SLC23A2: variants seen among roughly 807,000 people sequenced by gnomAD.
The protein encoded by SLC23A2 is Na(+)/L-ascorbic acid transporter 2.
A neutral mutation model predicts 73.3 loss-of-function variants in SLC23A2; 36 were observed. That is an observed-to-expected ratio of 0.49 (90% CI 0.38 to 0.65). The LOEUF is 0.65. SLC23A2 is among the 30% of genes least tolerant of loss of function. The pLI is 0.00. For missense variants in SLC23A2, 507 were observed against 841.6 expected, an observed-to-expected ratio of 0.60 and a Z score of 4.92; for synonymous variants, 343 against 327.3, an observed-to-expected ratio of 1.05 and a Z score of -0.52.
chr20:4,935,458 C>T (rs998539758), intron 2 of SLC23A2, among the ~76,000 whole-genome samples: 6 of 152,026 alleles, frequency 3.9e-5, no homozygotes, highest in South Asian at 2.1e-4. Context: ...GAAACTCTAC[C>T]GCAGGGATCA....
chr20:4,983,999 T>A (rs144060758), intron 1 of SLC23A2, among the ~76,000 whole-genome samples: 5 of 151,538 alleles, frequency 3.3e-5, no homozygotes, highest in African/African-American at 7.3e-5. Context: ...AAAAAGAATC[T>A]TACAGAAAGA....
intron 3 of SLC23A2, among the ~76,000 whole-genome samples, chr20:4,917,528 G>T (rs1932366588): frequency 6.6e-6 from 1 of 152,154 alleles, no homozygotes; most frequent in South Asian, 2.1e-4. Flanking sequence ...GGAGGTAGGG[G>T]TGGAATGTTT....
At chr20:4,915,393 C>T (rs374049604) in intron 3 of SLC23A2, among the ~76,000 whole-genome samples, 1 of 152,204 alleles carries the variant, frequency 6.6e-6, no homozygotes. Context: ...CAGTGGTTGT[C>T]CTTAATTGGT....
At chr20:4,873,553 C>A (rs1930534229) in intron 11 of SLC23A2, among the ~76,000 whole-genome samples, 1 of 152,178 alleles carries the variant, frequency 6.6e-6, no homozygotes, top group African/African-American at 2.4e-5. Flanking sequence ...GCTTGCTAAT[C>A]CCCAGGCTGT....
At chr20:4,914,827 G>A (rs1193061932) in intron 3 of SLC23A2, among the ~76,000 whole-genome samples, 1 of 152,170 alleles carries the variant, frequency 6.6e-6, no homozygotes, top group Non-Finnish European at 1.5e-5. Context: ...GATCACCTGA[G>A]GTCGGGAGTT....
At chr20:4,860,054 A>C (rs1459971303) in intron 15 of SLC23A2, among the ~76,000 whole-genome samples, 1 of 152,228 alleles carries the variant, frequency 6.6e-6, no homozygotes, top group Non-Finnish European at 1.5e-5. Flanking sequence ...AGCCGCCATG[A>C]AAAAGTTTGG....
At chr20:4,972,899 C>T (rs1174921936) in intron 1 of SLC23A2, among the ~76,000 whole-genome samples, 1 of 152,084 alleles carries the variant, frequency 6.6e-6, no homozygotes, top group Non-Finnish European at 1.5e-5. Context: ...CTATGTTTAT[C>T]AGAAATTTGC....
In SLC23A2 at chr20:4,862,931, G is replaced by A. The variant is rs781416952; in HGVS notation, c.1357-24C>T. 3.5e-5 allele frequency: 56 copies of A among 1,595,654 alleles called. No homozygotes were observed. The highest frequency in any genetic ancestry group is 4.5e-5 in the Non-Finnish European group (53 of 1,166,430). On this transcript the variant is annotated intron_variant, in intron 13 of 16. Transcript: ENST00000338244. This position sits in a 1 kb window ranked among gnomAD's most constrained non-coding sequence, Gnocchi z 5.1. ...ACCTGCAGAACACACAGGAGACTGG[G>A]AAACAGGGACTCATCTCCATGCAAA...
chr20:4,955,835 G>A (rs912858677), intron 2 of SLC23A2, among the ~76,000 whole-genome samples: 7 of 151,448 alleles, frequency 4.6e-5, no homozygotes, highest in Non-Finnish European at 7.4e-5. Context: ...ATACATGTGC[G>A]ATTGAGCTTT....
Position 4,957,048 on chromosome 20 carries a change from C to A in SLC23A2, c.-155+13745G>T, listed in dbSNP as rs544002296. 7.9e-5 allele frequency among the ~76,000 whole-genome samples: 12 copies of A among 152,142 alleles called. No individual in the cohort carries two copies. In the South Asian group the frequency reaches 2.5e-3, roughly 32 times the overall value. ...TCTCGAACTCCTGACCTCAGGTGAT[C>A]CACCCACCTTGGCCTCCCAAAGTGC... On this transcript the variant is annotated intron_variant, in intron 2 of 16. Coordinates refer to ENST00000338244, the MANE Select transcript of SLC23A2 (RefSeq NM_005116.6).
chr20:4,864,580 T>G (rs966991262), intron 13 of SLC23A2, among the ~76,000 whole-genome samples: 2 of 152,246 alleles, frequency 1.3e-5, no homozygotes, highest in Non-Finnish European at 2.9e-5. Context: ...TGGCCCTATC[T>G]TCAGCAAACA....
chr20:4,982,501 A>G (rs1289413067), intron 1 of SLC23A2, among the ~76,000 whole-genome samples: 1 of 152,166 alleles, frequency 6.6e-6, no homozygotes, highest in Non-Finnish European at 1.5e-5. Flanking sequence ...TTTGGCAAAA[A>G]TTGACAAGCC....
At chr20:4,985,675 T>C (rs778041858) in intron 1 of SLC23A2, among the ~76,000 whole-genome samples, 2 of 152,194 alleles carry the variant, frequency 1.3e-5, no homozygotes, top group Non-Finnish European at 2.9e-5. Flanking sequence ...CTTGAACTCC[T>C]GAGCTCAGGT....
At chr20:4,986,818 A>C (rs1336907902) in intron 1 of SLC23A2, among the ~76,000 whole-genome samples, 3 of 143,658 alleles carry the variant, frequency 2.1e-5, no homozygotes, top group African/African-American at 7.6e-5. Flanking sequence ...AAGAGAAATC[A>C]AAAAAAAAAA....
intron 2 of SLC23A2, among the ~76,000 whole-genome samples, chr20:4,934,349 G>A (rs1360654075): frequency 6.6e-6 from 1 of 152,036 alleles, no homozygotes; most frequent in Non-Finnish European, 1.5e-5. Flanking sequence ...CAATGCACAG[G>A]ACAGATCCCA....
Position 4,857,054 on chromosome 20 carries a change from G to A in SLC23A2, c.1871C>T (p.Thr624Ile). Reference protein sequence around the residue: ...RCFSYLPISPTFVGYTWKGLR... With the variant: ...RCFSYLPISPIFVGYTWKGLR... ...GCCTTTCCATGTGTAGCCCACAAAG[G>A]TTGGGCTGATGGGTAAGTAGCTGAA... is the stretch of plus-strand genomic sequence containing the variant. Residue 624 changes from threonine (T) to isoleucine (I), a missense_variant, in exon 17 of 17, where the codon ACC becomes ATC. Thr to Ile is a moderately conservative substitution (Grantham distance 89). Around this residue, in one of 5 missense-constraint regions of SLC23A2, gnomAD observed 168 missense variants for 302.3 expected, o/e 0.56. Transcript: ENST00000338244. The surrounding 1 kb of genome is among the most constrained non-coding windows in gnomAD (Gnocchi z 4.0). 1 of 1,614,052 alleles carries A rather than the reference G, an allele frequency of 6.2e-7. No homozygotes were observed.
chr20:4,996,550 GTGGTA>G (rs1299483622), intron 1 of SLC23A2, among the ~76,000 whole-genome samples: 1 of 152,046 alleles, frequency 6.6e-6, no homozygotes, highest in Non-Finnish European at 1.5e-5. Flanking sequence ...GCCGGGTACA[GTGGTA>G]TGCACCCATA....
intron 4 of SLC23A2, among the ~76,000 whole-genome samples, chr20:4,911,282 C>T (rs1356476842): frequency 6.6e-6 from 1 of 152,158 alleles, no homozygotes; most frequent in Non-Finnish European, 1.5e-5. Context: ...CTGCCTGAAT[C>T]TACTTTAATT....
At position 4,872,671 on chromosome 20, in the gene SLC23A2, C is replaced by T. The variant is rs1930495296; in HGVS notation, c.1102+1265G>A. Among the ~76,000 whole-genome samples the T allele has an allele frequency of 6.6e-6, 1 of 152,210 alleles. No individual in the cohort carries two copies. Among genetic ancestry groups the T allele is most frequent in the African/African-American group, 2.4e-5 (1 of 41,446 alleles). ...TCAGACTACAGGTATGTTTATGAAC[C>T]ATGCACATTCTTTCTTGGAAAAAGA... is the stretch of plus-strand genomic sequence containing the variant. On this transcript the variant is annotated intron_variant, in intron 11 of 16. Coordinates refer to ENST00000338244, the MANE Select transcript of SLC23A2 (RefSeq NM_005116.6). The surrounding 1 kb of genome is among the most constrained non-coding windows in gnomAD (Gnocchi z 4.4).
Sources: allele counts gnomAD v4.1 joint callset (sites outside exome capture counted in the v4.1 genomes callset), GRCh38; gene constraint gnomAD v4.1.1; regional missense constraint gnomAD v4.1.1; non-coding constraint Gnocchi (gnomAD v3.1); transcripts MANE v1.5; gene names NCBI Gene and HGNC (gene_info 2026-07-23, HGNC 2026-07-21).